SAMHD1: variants seen among roughly 807,000 people sequenced by gnomAD.
The protein encoded by SAMHD1 is SAM and HD domain containing deoxynucleoside triphosphate triphosphohydrolase 1.
Under a neutral mutation model 79.6 loss-of-function variants are expected in SAMHD1, and 54 were observed. The ratio of observed to expected loss-of-function variants is 0.68; its 90% confidence interval spans 0.55 to 0.85. The LOEUF (loss-of-function observed/expected upper bound fraction) is 0.85, where lower values mean the gene tolerates loss of function less well. Among genes scored for constraint, SAMHD1 ranks in the 40% least tolerant of loss-of-function variants. The pLI is 0.00. For missense variants in SAMHD1, 663 were observed against 782.7 expected (o/e 0.85, Z 1.82); for synonymous variants, 260 against 264.1 (o/e 0.98, Z 0.15).
intron 15 of SAMHD1, chr20:36,893,413 A>T (rs1157461954): frequency 1.1e-5 from 4 of 379,852 alleles, no homozygotes; most frequent in Non-Finnish European, 1.9e-5. Context: ...CTGAACCCCT[A>T]GCTTCTCTCT....
rs201709478 is a variant in SAMHD1, at chr20:36,928,962, CAGG to C, written c.626-1713_626-1711del. On this transcript the variant is annotated intron_variant, in intron 5 of 15. Coordinates refer to ENST00000646673, the MANE Select transcript of SAMHD1 (RefSeq NM_015474.4). Reference sequence around the variant, plus strand: ...GTCCCAGCTACTTGGGAGGCTGAGGCAGGAGAATGGCTTGAACCTGGGAGGTGG... The same window carrying C: ...GTCCCAGCTACTTGGGAGGCTGAGGCAGAATGGCTTGAACCTGGGAGGTGG... Among the ~76,000 whole-genome samples, 69 of 151,114 alleles carry C rather than the reference CAGG, an allele frequency of 4.6e-4. 1 individual carries two copies. The East Asian group carries it at 0.013, about 29-fold the overall frequency.
chr20:36,949,037 G>T (rs2063714633), intron 1 of SAMHD1, among the ~76,000 whole-genome samples: 2 of 151,774 alleles, frequency 1.3e-5, no homozygotes, highest in African/African-American at 2.4e-5. Flanking sequence ...GGCAGAGGCG[G>T]ATGCATCACC....
At chr20:36,934,291 C>T (rs1422435551) in intron 4 of SAMHD1, among the ~76,000 whole-genome samples, 1 of 151,404 alleles carries the variant, frequency 6.6e-6, no homozygotes, top group African/African-American at 2.4e-5. Flanking sequence ...TTTGGGAGGC[C>T]GAGGCAGGTG....
intron 9 of SAMHD1, among the ~76,000 whole-genome samples, chr20:36,914,690 T>A (rs1177631902): frequency 1.3e-5 from 2 of 151,744 alleles, no homozygotes; most frequent in East Asian, 3.9e-4. Flanking sequence ...TAACATTTTC[T>A]TTTCTCTAGC....
rs556800756 is a variant in SAMHD1, at chr20:36,901,227, C to T, written c.1504-2683G>A. 2.3e-4 allele frequency among the ~76,000 whole-genome samples: 35 copies of T among 151,982 alleles called. No homozygotes were observed. The South Asian group carries it at 6.2e-3, about 27-fold the overall frequency. On this transcript the variant is annotated intron_variant, in intron 13 of 15. Coordinates refer to ENST00000646673, the MANE Select transcript of SAMHD1 (RefSeq NM_015474.4). ...TTGCCTAGGCTGGAGTGCAGTGGTG[C>T]GATCTCAGCTCACTGCAACCTCCAC...
chr20:36,921,433 G>A (rs372221480), intron 6 of SAMHD1, among the ~76,000 whole-genome samples: 2 of 143,798 alleles, frequency 1.4e-5, no homozygotes, highest in African/African-American at 2.6e-5. Context: ...CAAGATATAC[G>A]TAATTACAAA....
intron 15 of SAMHD1, chr20:36,897,434 A>T: frequency 3.2e-6 from 1 of 313,480 alleles, no homozygotes; most frequent in South Asian, 2.9e-5. Flanking sequence ...TACTGAAGTA[A>T]CGAGGTTTAG....
At chr20:36,900,329 T>TCTGCCTCCCAGGTTCAAGTGATTCTC (rs1369735536) in intron 13 of SAMHD1, among the ~76,000 whole-genome samples, 1 of 151,768 alleles carries the variant, frequency 6.6e-6, no homozygotes, top group East Asian at 2.0e-4. Context: ...CACTGCAACC[T>TCTGCCTCCCAGGTTCAAGTGATTCTC]CTGCCTCCCA....
intron 6 of SAMHD1, among the ~76,000 whole-genome samples, chr20:36,921,961 T>C (rs2063508766): frequency 6.6e-6 from 1 of 152,202 alleles, no homozygotes; most frequent in Non-Finnish European, 1.5e-5. Flanking sequence ...AGTGCTGGGA[T>C]TACAGATGTG....
intron 9 of SAMHD1, among the ~76,000 whole-genome samples, chr20:36,913,740 T>C (rs1349156863): frequency 6.8e-6 from 1 of 146,874 alleles, no homozygotes; most frequent in Non-Finnish European, 1.5e-5. Flanking sequence ...ACTATTCTTA[T>C]GTTCTTCATT....
chr20:36,951,063 T>A (rs2063729861), intron 1 of SAMHD1, among the ~76,000 whole-genome samples: 1 of 152,126 alleles, frequency 6.6e-6, no homozygotes, highest in Non-Finnish European at 1.5e-5. Flanking sequence ...GGTGGCAAGT[T>A]AGTGAAGAAA....
At chr20:36,945,618 T>C (rs6030347) in intron 2 of SAMHD1, among the ~76,000 whole-genome samples, 126,363 of 152,198 alleles carry the variant, frequency 0.83, 52,851 homozygotes, top group East Asian at 0.99. Context: ...CGGTGGCTTA[T>C]GCCTGTAATC....
rs527505620 is a variant in SAMHD1 at position 36,897,679 on chromosome 20, G to A, written c.1746+143C>T. On this transcript the variant is annotated intron_variant, in intron 15 of 15. Coordinates refer to ENST00000646673, the MANE Select transcript of SAMHD1 (RefSeq NM_015474.4). The stretch of plus-strand genomic sequence containing the variant: ...GACACAGATTCAGACATTTTAAAAG[G>A]AAAGAAAGTGAAAGACCTTATTTTC... 53 of 904,250 alleles carry A rather than the reference G, an allele frequency of 5.9e-5. No homozygotes were observed. In the Middle Eastern group the frequency reaches 1.3e-3, roughly 23 times the overall value. The allele number at this position is 904,250 out of a possible 1,614,324, so 56.0% of individuals were successfully genotyped here.
chr20:36,942,318 T>C (rs919443095), intron 2 of SAMHD1, among the ~76,000 whole-genome samples: 11 of 152,226 alleles, frequency 7.2e-5, no homozygotes, highest in African/African-American at 2.4e-4. Context: ...CTCGGGAGGC[T>C]GAGGCAGGAG....
intron 6 of SAMHD1, among the ~76,000 whole-genome samples, chr20:36,921,703 G>GTT (rs71186090): frequency 2.9e-5 from 4 of 139,170 alleles, no homozygotes; most frequent in Admixed American, 7.3e-5. Context: ...TTTTGTGGTT[G>GTT]TTTTTTTTTT....
intron 12 of SAMHD1, chr20:36,904,782 TACA>T: frequency 5.6e-6 from 1 of 179,220 alleles, no homozygotes; most frequent in Non-Finnish European, 1.2e-5. Flanking sequence ...AACCTATTAG[TACA>T]ACAAGAGGAA....
chr20:36,945,645 C>T (rs1476737238), intron 2 of SAMHD1, among the ~76,000 whole-genome samples: 1 of 152,090 alleles, frequency 6.6e-6, no homozygotes, highest in Non-Finnish European at 1.5e-5. Context: ...CTTTGGGAGG[C>T]CAAGGTGGGC....
intron 5 of SAMHD1, among the ~76,000 whole-genome samples, chr20:36,929,266 T>C (rs1183889918): frequency 6.6e-6 from 1 of 152,130 alleles, no homozygotes; most frequent in East Asian, 1.9e-4. Flanking sequence ...GTATTGGTTC[T>C]TTGTAAGTCT....
At chr20:36,921,784 G>T (rs922034761) in intron 6 of SAMHD1, among the ~76,000 whole-genome samples, 10 of 151,716 alleles carry the variant, frequency 6.6e-5, no homozygotes, top group Admixed American at 6.6e-4. Flanking sequence ...CGCCTCCCAG[G>T]TTCAGGTGAT....
Sources: gnomAD v4.1 joint callset for allele counts (sites outside exome capture counted in the v4.1 genomes callset) on GRCh38, gnomAD v4.1.1 for gene constraint, MANE v1.5 for transcripts, NCBI Gene and HGNC (gene_info 2026-07-23, HGNC 2026-07-21) for gene names.